The following LAMA3 variants were observed in gnomAD, a reference collection of about 807,000 sequenced individuals.
LAMA3 encodes the protein laminin subunit alpha-3.
LAMA3 carries 281 observed loss-of-function variants against 402.0 expected under a neutral mutation model. That is an observed-to-expected ratio of 0.70 (90% CI 0.63 to 0.77). The LOEUF (loss-of-function observed/expected upper bound fraction) is 0.77, where lower values mean the gene tolerates loss of function less well. Ranked by LOEUF, LAMA3 falls within the 30% of genes least tolerant of loss-of-function variation. The pLI is 0.00. For missense variants in LAMA3, 3,840 were observed against 4,215.5 expected, an observed-to-expected ratio of 0.91 and a Z score of 2.47; for synonymous variants, 1,431 against 1,558.4, an observed-to-expected ratio of 0.92 and a Z score of 1.93.
chr18:23,787,156 C>T (rs2062560910), intron 12 of LAMA3, among the ~76,000 whole-genome samples: 1 of 152,136 alleles, frequency 6.6e-6, no homozygotes, highest in South Asian at 2.1e-4. Flanking sequence ...GTGGCAGGCG[C>T]CTGTAATCCC....
intron 2 of LAMA3, among the ~76,000 whole-genome samples, chr18:23,728,054 A>C (rs547401094): frequency 1.3e-5 from 2 of 152,212 alleles, no homozygotes; most frequent in African/African-American, 4.8e-5. Flanking sequence ...TTTTCTTCAG[A>C]GCTTCAGAGC....
intron 12 of LAMA3, among the ~76,000 whole-genome samples, chr18:23,808,976 T>C (rs1206807598): frequency 6.6e-6 from 1 of 152,216 alleles, no homozygotes; most frequent in Non-Finnish European, 1.5e-5. Context: ...GGTTGTATCT[T>C]TTACTGTGTA....
intron 1 of LAMA3, among the ~76,000 whole-genome samples, chr18:23,707,749 C>CT (rs112324401): frequency 1.8e-3 from 256 of 140,808 alleles, no homozygotes; most frequent in Non-Finnish European, 1.9e-3. Flanking sequence ...AAACAAAATT[C>CT]TTTTTTTTTT....
In LAMA3 at chr18:23,720,844, A is replaced by G. The variant is rs551546551; in HGVS notation, c.447+6772A>G. ...ATACATTAGGAAGAATCTGGAAATC[A>G]GGTGTTTTCTTTTAATACATGAAAA... On this transcript the variant is annotated intron_variant, in intron 2 of 74. Transcript: ENST00000313654. Among the ~76,000 whole-genome samples the G allele has an allele frequency of 2.0e-5, 3 of 152,136 alleles. No homozygotes were observed. In the East Asian group the frequency reaches 5.8e-4, roughly 29 times the overall value.
intron 19 of LAMA3, among the ~76,000 whole-genome samples, 186 bp from the exon 20 acceptor site, chr18:23,822,066 G>C (rs2063295304): frequency 6.6e-6 from 1 of 152,236 alleles, no homozygotes; most frequent in South Asian, 2.1e-4. Context: ...TTCATTGTTA[G>C]GTTTGCCTAT....
At chr18:23,847,064 A>C (rs987422792) in intron 31 of LAMA3, among the ~76,000 whole-genome samples, 1 of 152,138 alleles carries the variant, frequency 6.6e-6, no homozygotes, top group Non-Finnish European at 1.5e-5. Flanking sequence ...AGGAACAAGA[A>C]CCCTGCTGCC....
chr18:23,901,653 G>A (rs1380270008), intron 48 of LAMA3, among the ~76,000 whole-genome samples: 1 of 152,176 alleles, frequency 6.6e-6, no homozygotes, highest in Non-Finnish European at 1.5e-5. Context: ...TATATATTAT[G>A]TTTTTGGTAA....
At chr18:23,825,016 G>A (rs1041456142) in intron 21 of LAMA3, among the ~76,000 whole-genome samples, 5 of 151,992 alleles carry the variant, frequency 3.3e-5, no homozygotes, top group African/African-American at 1.2e-4. Flanking sequence ...TAGAACCAAG[G>A]AAGAATAACC....
chr18:23,872,766 C>T (rs2064565527), intron 38 of LAMA3: 3 of 472,396 alleles, frequency 6.4e-6, no homozygotes, highest in East Asian at 4.1e-5. Context: ...GTTCCCTGCC[C>T]GTGACTCAGC....
intron 40 of LAMA3, among the ~76,000 whole-genome samples, chr18:23,882,981 A>G (rs2064951269): frequency 6.6e-6 from 1 of 152,256 alleles, no homozygotes; most frequent in Non-Finnish European, 1.5e-5. Context: ...GGGGTGGCCA[A>G]GGAGGCCTGA....
At chr18:23,845,886 G>A (rs959813949) in intron 30 of LAMA3, among the ~76,000 whole-genome samples, 4 of 152,200 alleles carry the variant, frequency 2.6e-5, no homozygotes, top group African/African-American at 7.2e-5. Context: ...ATATTACTAA[G>A]GTTTCCAGCA....
chr18:23,816,488 G>A lies in LAMA3; in HGVS notation c.2147+1G>A, dbSNP rs1555700517. The A allele has an allele frequency of 1.9e-6, 3 of 1,612,948 alleles. No individual in the cohort carries two copies. Among genetic ancestry groups the A allele is most frequent in the Non-Finnish European group, 2.5e-6 (3 of 1,179,236 alleles). ...ATGTCGTGGGAAAGGTGTGCCAGCG[G>A]TGAGTCTTCGGGAGGCTTCTTCCCA... On this transcript the variant is annotated splice_donor_variant, in intron 18 of 74. Transcript: ENST00000313654. LOFTEE classifies it high-confidence loss of function.
chr18:23,805,299 G>C (rs2062941301), intron 12 of LAMA3, among the ~76,000 whole-genome samples: 1 of 152,092 alleles, frequency 6.6e-6, no homozygotes, highest in Non-Finnish European at 1.5e-5. Flanking sequence ...TTCTGTACAG[G>C]CCAAATAGAT....
chr18:23,824,703 C>A, intron 21 of LAMA3, 138 bp downstream of exon 21: 1 of 933,768 alleles, frequency 1.1e-6, no homozygotes, highest in Non-Finnish European at 1.7e-6. Context: ...AATTCAGCCC[C>A]AACCTAAGGA....
intron 2 of LAMA3, among the ~76,000 whole-genome samples, chr18:23,729,802 A>G (rs979926423): frequency 1.3e-5 from 2 of 152,260 alleles, no homozygotes; most frequent in Non-Finnish European, 2.9e-5. Flanking sequence ...ACAGGGTTGT[A>G]TGGGATAGAC....
intron 14 of LAMA3, among the ~76,000 whole-genome samples, chr18:23,813,931 A>G (rs1346378344): frequency 6.6e-6 from 1 of 152,184 alleles, no homozygotes; most frequent in African/African-American, 2.4e-5. Flanking sequence ...CACAGAATGG[A>G]TGGAGTGAAA....
chr18:23,834,073 G>A (rs2063537341), intron 24 of LAMA3, 85 bp downstream of exon 24: 2 of 1,498,608 alleles, frequency 1.3e-6, no homozygotes, highest in African/African-American at 2.7e-5. Context: ...CTTGCATTGG[G>A]AGGTTATTTT....
intron 1 of LAMA3, among the ~76,000 whole-genome samples, chr18:23,711,189 T>C (rs752663115): frequency 6.6e-6 from 1 of 152,258 alleles, no homozygotes; most frequent in Non-Finnish European, 1.5e-5. Context: ...CTTTAACTTA[T>C]GTATCTATTA....
At chr18:23,920,100 G>A (rs2081778857) in intron 60 of LAMA3, among the ~76,000 whole-genome samples, 1 of 152,194 alleles carries the variant, frequency 6.6e-6, no homozygotes, top group African/African-American at 2.4e-5. Flanking sequence ...TCAGCAATAA[G>A]GGAAAGGTAA....
Sources: allele counts gnomAD v4.1 joint callset (sites outside exome capture counted in the v4.1 genomes callset), GRCh38; gene constraint gnomAD v4.1.1; transcripts MANE v1.5; gene names NCBI Gene and HGNC (gene_info 2026-07-23, HGNC 2026-07-21).